The following FAM98B variants were observed in gnomAD, a reference collection of about 807,000 sequenced individuals.
FAM98B encodes the protein tRNA splicing ligase complex subunit 3B.
A neutral mutation model predicts 43.9 loss-of-function variants in FAM98B; 32 were observed. That is an observed-to-expected ratio of 0.73 (90% CI 0.55 to 0.98). The LOEUF (loss-of-function observed/expected upper bound fraction) is 0.98. Ranked by LOEUF, FAM98B falls within the 50% of genes least tolerant of loss-of-function variation. The probability of loss-of-function intolerance (pLI) is 0.00; values close to 1 mark genes in which losing one functional copy is unlikely to be tolerated. For synonymous variants in FAM98B, 190 were observed against 174.0 expected (o/e 1.09, Z -0.72); for missense variants, 514 against 522.9 (o/e 0.98, Z 0.17).
At chr15:38,459,497 G>T in intron 1 of FAM98B, 1 of 331,164 alleles carries the variant, frequency 3.0e-6, no homozygotes, top group East Asian at 9.3e-5. Flanking sequence ...TGAGCACCAG[G>T]GCATCTTCCC....
rs982388238 is a variant in FAM98B at position 38,465,349 on chromosome 15, T to C, written c.298T>C (p.Ser100Pro). The part of the protein sequence containing the change: ...EMACPYSVLI[S>P]GDIKDRLKKK... ...GGCATGTCCATATTCTGTACTCATA[T>C]CAGGAGATATTAAAGATCGTTTAAA... is the stretch of plus-strand genomic sequence containing the variant. The change falls in exon 3 of 8, where the codon TCA (serine) becomes CCA (proline). Residue 100 changes from serine (S) to proline (P), a missense_variant. This residue lies in a region of FAM98B where 469 missense variants were observed against 451.8 expected (regional missense o/e 1.04). Coordinates refer to ENST00000397609, the MANE Select transcript of FAM98B (RefSeq NM_173611.4). The C allele has an allele frequency of 6.2e-7, 1 of 1,609,414 alleles. No individual in the cohort carries two copies. Among genetic ancestry groups the C allele is most frequent in the Non-Finnish European group, 8.5e-7 (1 of 1,178,410 alleles).
rs1890355436 is a variant in FAM98B, at chr15:38,485,491, G to T, written c.*832G>T. On this transcript the variant is annotated 3_prime_UTR_variant, in exon 8 of 8. Transcript: ENST00000397609. ...ACCTGTATCACACAGAATTAAGGCA[G>T]TAATTTTCTGCTTCAGTAGATCAAG... 1.3e-5 allele frequency: 2 copies of T among 152,316 alleles called. No homozygotes were observed. Among genetic ancestry groups the T allele is most frequent in the South Asian group, 4.1e-4 (2 of 4,828 alleles). 9.4% of individuals were successfully genotyped at this position (152,316 alleles called of 1,614,324 possible).
At chr15:38,467,643 C>T (rs1219527511) in intron 3 of FAM98B, among the ~76,000 whole-genome samples, 2 of 152,152 alleles carry the variant, frequency 1.3e-5, no homozygotes, top group African/African-American at 4.8e-5. Context: ...ATTCTTTTGA[C>T]TTGGCAATTG....
In FAM98B at chr15:38,480,256, G is replaced by A. The variant is rs1226061580; in HGVS notation, c.730-1036G>A. 2.6e-5 allele frequency among the ~76,000 whole-genome samples: 4 copies of A among 152,044 alleles called. 1 individual carries two copies. The highest frequency in any genetic ancestry group is 5.9e-5 in the Non-Finnish European group (4 of 67,972). Reference sequence around the variant, plus strand: ...AATTCCCTTTGTTATATGGTGTGCTGTATTATTGTTATTATTACAGATAGC... The same window carrying A: ...AATTCCCTTTGTTATATGGTGTGCTATATTATTGTTATTATTACAGATAGC... On this transcript the variant is annotated intron_variant, in intron 6 of 7. Coordinates refer to ENST00000397609, the MANE Select transcript of FAM98B (RefSeq NM_173611.4).
intron 1 of FAM98B, among the ~76,000 whole-genome samples, chr15:38,455,029 TATC>T (rs1437718630): frequency 6.6e-6 from 1 of 152,124 alleles, no homozygotes; most frequent in African/African-American, 2.4e-5. Flanking sequence ...CATCCCAAAT[TATC>T]ATGTCCTGCC....
intron 1 of FAM98B, among the ~76,000 whole-genome samples, chr15:38,458,094 C>T (rs1368214549): frequency 6.6e-6 from 1 of 151,952 alleles, no homozygotes; most frequent in Non-Finnish European, 1.5e-5. Flanking sequence ...AAGAAGGGAG[C>T]TCAGTACCCA....
At position 38,484,696 on chromosome 15, in the gene FAM98B, A is replaced by G; in HGVS notation, c.*37A>G. The stretch of plus-strand genomic sequence containing the variant: ...ATTAGATAGCAGTGCTTGCTTCTTT[A>G]TAGATACATTAGAAATAGTGTTCCA... On this transcript the variant is annotated 3_prime_UTR_variant, in exon 8 of 8. Coordinates refer to ENST00000397609, the MANE Select transcript of FAM98B (RefSeq NM_173611.4). The G allele has an allele frequency of 6.7e-7, 1 of 1,496,752 alleles. No homozygotes were observed. The highest frequency in any genetic ancestry group is 8.8e-7 in the Non-Finnish European group (1 of 1,131,902). 92.7% of individuals were successfully genotyped at this position (1,496,752 alleles called of 1,614,324 possible). A position where few individuals can be genotyped will look rare whatever the true frequency, so the allele number is the denominator to read the frequency against.
At chr15:38,458,621 A>G (rs1889890744) in intron 1 of FAM98B, 2 of 181,932 alleles carry the variant, frequency 1.1e-5, no homozygotes, top group African/African-American at 2.4e-5. Flanking sequence ...GCTCCTTACA[A>G]TCACTTCTCA....
chr15:38,484,921 T>C lies in FAM98B; in HGVS notation c.*262T>C. 2.6e-6 allele frequency: 1 copy of C among 391,674 alleles called. No individual in the cohort carries two copies. The highest frequency in any genetic ancestry group is 4.3e-6 in the Non-Finnish European group (1 of 234,122). 24.3% of individuals were successfully genotyped at this position (391,674 alleles called of 1,614,324 possible). On this transcript the variant is annotated 3_prime_UTR_variant, in exon 8 of 8. Coordinates refer to ENST00000397609, the MANE Select transcript of FAM98B (RefSeq NM_173611.4). ...AAAAAACAAAAAAAAGAACAAAAAT[T>C]ATTTTTTAAAATGTAAATATTTATT...
intron 6 of FAM98B, among the ~76,000 whole-genome samples, chr15:38,478,077 G>A (rs1427412274): frequency 3.3e-5 from 5 of 152,172 alleles, no homozygotes; most frequent in Admixed American, 2.6e-4. Context: ...TTGTCTTAAC[G>A]TACTTTGATA....
rs901163203 is a variant in FAM98B, at chr15:38,486,267, A to C, written c.*1608A>C. On this transcript the variant is annotated 3_prime_UTR_variant, in exon 8 of 8. Transcript: ENST00000397609. ...ATGAAAAGATGTAATTTCATTTGTG[A>C]TAGCTGAAAAAAAGGCTTTCCATAA... 5 of 151,842 alleles carry C rather than the reference A, an allele frequency of 3.3e-5. No homozygotes were observed. The allele number at this position is 151,842 out of a possible 1,614,324, so 9.4% of individuals were successfully genotyped here. A position where few individuals can be genotyped will look rare whatever the true frequency, so the allele number is the denominator to read the frequency against.
intron 6 of FAM98B, 38 bp from the exon 7 acceptor site, chr15:38,481,254 T>C (rs1219632450): frequency 2.8e-5 from 43 of 1,526,762 alleles, no homozygotes; most frequent in Non-Finnish European, 3.8e-5. Flanking sequence ...CATTAAAATG[T>C]ACTTTTGTTC....
intron 6 of FAM98B, among the ~76,000 whole-genome samples, chr15:38,477,266 TAGCTGC>T (rs1890216282): frequency 6.7e-6 from 1 of 150,314 alleles, no homozygotes; most frequent in Non-Finnish European, 1.5e-5. Flanking sequence ...GTAGTCTTTG[TAGCTGC>T]TCATTTTCTC....
intron 1 of FAM98B, among the ~76,000 whole-genome samples, chr15:38,454,661 C>T (rs1889820212): frequency 6.6e-6 from 1 of 152,156 alleles, no homozygotes; most frequent in Non-Finnish European, 1.5e-5. Context: ...TTACTTGGGG[C>T]TCTGGAGCGA....
chr15:38,475,460 G>A (rs1426830258), intron 6 of FAM98B, among the ~76,000 whole-genome samples: 2 of 152,166 alleles, frequency 1.3e-5, no homozygotes, highest in African/African-American at 4.8e-5. Flanking sequence ...CATTCTTCCT[G>A]GATCCTTTAG....
chr15:38,473,540 T>C lies in FAM98B; in HGVS notation c.567T>C (p.His189=). The C allele has an allele frequency of 2.5e-6, 4 of 1,610,878 alleles. No homozygotes were observed. Among genetic ancestry groups the C allele is most frequent in the Non-Finnish European group, 3.4e-6 (4 of 1,178,740 alleles). Residue 189 remains histidine, a synonymous_variant, in exon 5 of 8, where the codon CAT becomes CAC. Coordinates refer to ENST00000397609, the MANE Select transcript of FAM98B (RefSeq NM_173611.4). ...TTCTCTCAAAGGTCCAGAAAAATCA[T>C]GTGGGAAAACCACTGCTGAAAATGG... The part of the protein sequence containing the change: ...KDILSKVQKN[H]VGKPLLKMDL...
chr15:38,461,690 A>T (rs1410405471), intron 1 of FAM98B, among the ~76,000 whole-genome samples: 5 of 152,170 alleles, frequency 3.3e-5, no homozygotes, highest in African/African-American at 1.2e-4. Context: ...CAGAGAATTC[A>T]AAGAAAAAGA....
chr15:38,460,421 A>T (rs1417076329), intron 1 of FAM98B, among the ~76,000 whole-genome samples: 6 of 151,532 alleles, frequency 4.0e-5, no homozygotes, highest in East Asian at 1.9e-4. Flanking sequence ...TTTTTTTTTT[A>T]AATGAAAGTA....
chr15:38,480,540 C>T (rs1177408557), intron 6 of FAM98B, among the ~76,000 whole-genome samples: 1 of 151,684 alleles, frequency 6.6e-6, no homozygotes, highest in Non-Finnish European at 1.5e-5. Context: ...AGGATTCTCT[C>T]TATATTTTGG....
Sources: gnomAD v4.1 joint callset for allele counts (sites outside exome capture counted in the v4.1 genomes callset) on GRCh38, gnomAD v4.1.1 for gene constraint, gnomAD v4.1.1 regional missense constraint, MANE v1.5 for transcripts, NCBI Gene and HGNC (gene_info 2026-07-23, HGNC 2026-07-21) for gene names.